NCR1: variants seen among roughly 807,000 people sequenced by gnomAD.
NCR1 encodes NK cell-activating receptor.
In NCR1, 30 loss-of-function variants were observed where a neutral mutation model predicts 32.5. That is an observed-to-expected ratio of 0.92 (90% CI 0.69 to 1.25). The LOEUF is 1.25. Among genes scored for constraint, NCR1 ranks in the 50% most tolerant of loss-of-function variants. NCR1 has a pLI of 0.00. For synonymous variants in NCR1, 169 were observed against 143.4 expected, an observed-to-expected ratio of 1.18 and a Z score of -1.28; for missense variants, 369 against 380.7, an observed-to-expected ratio of 0.97 and a Z score of 0.26.
chr19:54,917,690 A>G (rs559222465), downstream of NCR1, among the ~76,000 whole-genome samples: 5 of 152,200 alleles, frequency 3.3e-5, no homozygotes, highest in Non-Finnish European at 5.9e-5. Flanking sequence ...ACATTTGGCA[A>G]TGCCCATGGT....
At position 54,909,334 on chromosome 19, in the gene NCR1, G is replaced by C; in HGVS notation, c.445G>C (p.Ala149Pro). ...GACCTTCTACTGCCGTCTAGACACT[G>C]CAACAAGCATGTTCTTACTGCTCAA... Reference protein sequence around the residue: ...KVTFYCRLDTATSMFLLLKEG... With the variant: ...KVTFYCRLDTPTSMFLLLKEG... The change falls in exon 4 of 7, where the codon GCA becomes CCA. Residue 149 changes from alanine to proline, a missense_variant. Transcript: ENST00000291890. 1 of 1,614,096 alleles carries C rather than the reference G, an allele frequency of 6.2e-7. No homozygotes were observed. The highest frequency in any genetic ancestry group is 8.5e-7 in the Non-Finnish European group (1 of 1,180,022).
chr19:54,925,646 C>T, the NCR1 span, among the ~76,000 whole-genome samples: 2 of 152,002 alleles, frequency 1.3e-5, no homozygotes, highest in African/African-American at 2.4e-5. Context: ...CAGAGCAAAA[C>T]GTTGTCTCAG....
At chr19:54,904,120 T>C (rs1005294463), upstream of NCR1, among the ~76,000 whole-genome samples, 4 of 45,130 alleles carry the variant, frequency 8.9e-5, no homozygotes, top group Non-Finnish European at 1.8e-4. Context: ...AGCAAGACTC[T>C]GTCTCAAAAA....
downstream of NCR1, among the ~76,000 whole-genome samples, chr19:54,919,816 G>C (rs939495889): frequency 6.6e-6 from 1 of 151,792 alleles, no homozygotes; most frequent in African/African-American, 2.4e-5. Context: ...TTGGTGACGG[G>C]TGTCTTCCCA....
intron 4 of NCR1, 61 bp downstream of exon 4, chr19:54,909,584 G>A: frequency 6.5e-7 from 1 of 1,547,120 alleles, no homozygotes. Flanking sequence ...AGCCCTGAGG[G>A]ATCCCCAGAG....
the NCR1 span, chr19:54,923,707 T>C: frequency 6.2e-7 from 1 of 1,611,658 alleles, no homozygotes; most frequent in Non-Finnish European, 8.5e-7. Flanking sequence ...GAATCCCGCT[T>C]CCTGTGTAAT....
At chr19:54,915,283 A>T (rs2068110431), downstream of NCR1, among the ~76,000 whole-genome samples, 1 of 152,118 alleles carries the variant, frequency 6.6e-6, no homozygotes, top group Non-Finnish European at 1.5e-5. Flanking sequence ...GAGACTTCTC[A>T]CTAGGGGTCT....
chr19:54,925,782 T>C, the NCR1 span, among the ~76,000 whole-genome samples: 1 of 152,080 alleles, frequency 6.6e-6, no homozygotes, highest in Non-Finnish European at 1.5e-5. Context: ...GCAGATCACC[T>C]GAGGTCAGGA....
the NCR1 span, chr19:54,927,641 A>G: frequency 3.7e-6 from 6 of 1,614,040 alleles, no homozygotes; most frequent in East Asian, 1.3e-4. Context: ...TTGTCTTAGA[A>G]CCCCAAAGAG....
chr19:54,929,922 G>T, the NCR1 span, among the ~76,000 whole-genome samples: 1 of 122,134 alleles, frequency 8.2e-6, no homozygotes, highest in Non-Finnish European at 1.8e-5. Flanking sequence ...AGACCATCCT[G>T]GCTAACACTG....
At chr19:54,929,823 CAT>C in the NCR1 span, among the ~76,000 whole-genome samples, 1 of 151,984 alleles carries the variant, frequency 6.6e-6, no homozygotes, top group Non-Finnish European at 1.5e-5. Context: ...ATATTGAAAA[CAT>C]AGAAATTGGC....
downstream of NCR1, among the ~76,000 whole-genome samples, chr19:54,917,862 C>T (rs907484626): frequency 1.3e-5 from 2 of 152,200 alleles, no homozygotes; most frequent in Admixed American, 6.6e-5. Flanking sequence ...ACCTTACACC[C>T]TTCAGTGCAG....
chr19:54,900,349 T>C, the NCR1 span, among the ~76,000 whole-genome samples: 1 of 151,906 alleles, frequency 6.6e-6, no homozygotes, highest in Non-Finnish European at 1.5e-5. Flanking sequence ...AAAATTACAG[T>C]CAAAAGGGGG....
chr19:54,937,215 C>G, the NCR1 span, among the ~76,000 whole-genome samples: 1 of 77,604 alleles, frequency 1.3e-5, no homozygotes, highest in Non-Finnish European at 2.7e-5. Context: ...GAGACTGTCT[C>G]AAAAAAAAAA....
chr19:54,919,384 G>A (rs1410459818), downstream of NCR1, among the ~76,000 whole-genome samples: 1 of 152,260 alleles, frequency 6.6e-6, no homozygotes, highest in East Asian at 1.9e-4. Flanking sequence ...AAGGTCACGT[G>A]GGTCACGTGT....
the NCR1 span, among the ~76,000 whole-genome samples, chr19:54,934,079 G>A: frequency 3.3e-5 from 5 of 152,092 alleles, no homozygotes; most frequent in Non-Finnish European, 5.9e-5. The surrounding 1 kb of genome is among the most constrained non-coding windows in gnomAD (Gnocchi z 6.7). Context: ...GAGTAGCTGG[G>A]ACTACAGGCG....
At chr19:54,903,656 TATATATGTATAC>T (rs1256696680), upstream of NCR1, among the ~76,000 whole-genome samples, 9 of 137,264 alleles carry the variant, frequency 6.6e-5, no homozygotes, top group African/African-American at 2.4e-4. Context: ...CACATATATG[TATATATGTATAC>T]ATATATGTAT....
downstream of NCR1, among the ~76,000 whole-genome samples, chr19:54,920,682 C>T (rs570049214): frequency 1.3e-5 from 2 of 152,130 alleles, no homozygotes; most frequent in Non-Finnish European, 2.9e-5. Context: ...TTAAAATTAG[C>T]CAAGCATGTT....
chr19:54,924,734 G>A, the NCR1 span, among the ~76,000 whole-genome samples: 8 of 151,930 alleles, frequency 5.3e-5, no homozygotes, highest in African/African-American at 1.2e-4. Context: ...TCAGGAATTC[G>A]AGACCAGCCT....
Sources: allele counts gnomAD v4.1 joint callset (sites outside exome capture counted in the v4.1 genomes callset), GRCh38; gene constraint gnomAD v4.1.1; non-coding constraint Gnocchi (gnomAD v3.1); transcripts MANE v1.5; gene names NCBI Gene and HGNC (gene_info 2026-07-23, HGNC 2026-07-21).